Variants in BYSL observed in about 807,000 individuals in gnomAD.
The protein encoded by BYSL is bystin like.
A neutral mutation model predicts 45.4 loss-of-function variants in BYSL; 21 were observed. The ratio of observed to expected loss-of-function variants is 0.46; its 90% CI spans 0.33 to 0.67. The LOEUF is 0.67. Among genes scored for constraint, BYSL ranks in the 30% least tolerant of loss-of-function variants. The pLI is 0.02. For synonymous variants in BYSL, 215 were observed against 231.3 expected, an observed-to-expected ratio of 0.93 and a Z score of 0.64; for missense variants, 522 against 578.5, an observed-to-expected ratio of 0.90 and a Z score of 1.00.
intron 1 of BYSL, among the ~76,000 whole-genome samples, chr6:41,924,939 G>A (rs1775542130): frequency 6.6e-6 from 1 of 152,200 alleles, no homozygotes; most frequent in Non-Finnish European, 1.5e-5. Context: ...TGGGTGTTGA[G>A]GGTGAGGGCA....
chr6:41,916,817 T>C, upstream of BYSL: 1 of 1,614,096 alleles, frequency 6.2e-7, no homozygotes, highest in Non-Finnish European at 8.5e-7. Flanking sequence ...GGCCGTATGG[T>C]AAGTCTCACA....
chr6:41,929,265 T>G (rs1775603782), intron 2 of BYSL, among the ~76,000 whole-genome samples: 2 of 152,048 alleles, frequency 1.3e-5, no homozygotes, highest in South Asian at 4.2e-4. Flanking sequence ...TCTTAGCACT[T>G]TGGGACGCCA....
In BYSL at chr6:41,921,936, T is replaced by A. The variant is rs894243310; in HGVS notation, c.268+106T>A. Reference sequence around the variant, plus strand: ...GAATTGCTTCGAGTCAACAAAGGGGTCCGTATTACACTTGCAAAGGAGACT... The same window carrying A: ...GAATTGCTTCGAGTCAACAAAGGGGACCGTATTACACTTGCAAAGGAGACT... On this transcript the variant is annotated intron_variant, in intron 1 of 6. Coordinates refer to ENST00000230340, the MANE Select transcript of BYSL (RefSeq NM_004053.4). 9 of 1,423,052 alleles carry A rather than the reference T, an allele frequency of 6.3e-6. No homozygotes were observed. In the African/African-American group the frequency reaches 7.2e-5, roughly 11 times the overall value. The allele number at this position is 1,423,052 out of a possible 1,614,324, so 88.2% of individuals were successfully genotyped here. A position where few individuals can be genotyped will look rare whatever the true frequency, so the allele number is the denominator to read the frequency against.
the BYSL span, among the ~76,000 whole-genome samples, chr6:41,912,339 G>A: frequency 7.1e-6 from 1 of 140,874 alleles, no homozygotes; most frequent in African/African-American, 2.7e-5. Flanking sequence ...ACTGCACTCA[G>A]CTGACCATAG....
chr6:41,921,272 G>A, upstream of BYSL: 1 of 622,014 alleles, frequency 1.6e-6, no homozygotes, highest in Admixed American at 3.1e-5. Flanking sequence ...TTCCCGTTTG[G>A]CTGAGCACTC....
chr6:41,920,974 C>T (rs760495408), upstream of BYSL: 8 of 1,606,064 alleles, frequency 5.0e-6, no homozygotes, highest in East Asian at 2.3e-5. Context: ...CAACTCCAAG[C>T]CCCGCCCCAC....
the BYSL span, among the ~76,000 whole-genome samples, chr6:41,911,171 G>C: frequency 7.0e-6 from 1 of 143,244 alleles, no homozygotes; most frequent in South Asian, 2.2e-4. Flanking sequence ...TTTTTTTTGA[G>C]ACAGAGTCTC....
chr6:41,913,667 AG>A, the BYSL span, among the ~76,000 whole-genome samples: 1 of 152,196 alleles, frequency 6.6e-6, no homozygotes, highest in Non-Finnish European at 1.5e-5. Flanking sequence ...TGGGAGGCCA[AG>A]GTGGGCGGAT....
Position 41,932,541 on chromosome 6 carries a change from G to A in BYSL, c.1149G>A (p.Leu383=). ...ELPVLWHQCL[L]TLVQRYKADL... is the part of the protein sequence containing the mutation. The stretch of plus-strand genomic sequence containing the variant: ...CTGTGCTGTGGCACCAGTGCCTCCT[G>A]ACTTTGGTCCAGCGCTACAAGGCCG... Residue 383 remains leucine (L), a synonymous_variant, in exon 7 of 7, where the codon CTG becomes CTA. Coordinates refer to ENST00000230340, the MANE Select transcript of BYSL (RefSeq NM_004053.4). The surrounding 1 kb of genome is among the most constrained non-coding windows in gnomAD (Gnocchi z 4.7). The A allele has an allele frequency of 2.5e-6, 4 of 1,614,198 alleles. No individual in the cohort carries two copies. The highest frequency in any genetic ancestry group is 3.4e-6 in the Non-Finnish European group (4 of 1,180,038).
the BYSL span, among the ~76,000 whole-genome samples, chr6:41,910,386 C>T: frequency 1.3e-5 from 2 of 152,114 alleles, no homozygotes; most frequent in Non-Finnish European, 1.5e-5. Context: ...AATCCCAACA[C>T]TTTGGGAGGC....
At chr6:41,909,077 G>T in the BYSL span, 1 of 702,774 alleles carries the variant, frequency 1.4e-6, no homozygotes, top group South Asian at 2.0e-5. Flanking sequence ...GGGAGACTGA[G>T]GCGGAAGGAT....
chr6:41,916,258 T>TAAATAAAATA, the BYSL span, among the ~76,000 whole-genome samples: 2,452 of 148,312 alleles, frequency 0.017, 54 homozygotes, highest in African/African-American at 0.05. Context: ...CTCAAAAAAA[T>TAAATAAAATA]AAATAAAATA....
chr6:41,911,688 G>A, the BYSL span, among the ~76,000 whole-genome samples: 4 of 152,134 alleles, frequency 2.6e-5, no homozygotes, highest in Admixed American at 1.3e-4. Flanking sequence ...AAAAGGGTGC[G>A]AGGGCGGCGA....
Position 41,932,697 on chromosome 6 carries a change from C to T in BYSL, c.1305C>T (p.Thr435=), listed in dbSNP as rs368058700. 4 of 1,606,408 alleles carry T rather than the reference C, an allele frequency of 2.5e-6. No homozygotes were observed. The highest frequency in any genetic ancestry group is 3.4e-6 in the Non-Finnish European group (4 of 1,174,450). Residue 435 remains threonine (T), a synonymous_variant, in exon 7 of 7, where the codon ACC becomes ACT. Transcript: ENST00000230340. The surrounding 1 kb of genome is among the most constrained non-coding windows in gnomAD (Gnocchi z 4.7). ...VPRDVEDVPI[T]VE is the part of the protein sequence containing the mutation. ...GCGATGTGGAAGATGTTCCCATCAC[C>T]GTGGAGTGAGGAAAACAGTCAGCTG...
Position 41,930,682 on chromosome 6 carries a change from C to T in BYSL, c.618C>T (p.Ile206=). ...RSGKLPKAFK[I]IPALSNWEQI... Reference sequence around the variant, plus strand: ...GAAAACTGCCCAAGGCATTTAAGATCATCCCTGCACTCTCCAACTGGGAGC... The same window carrying T: ...GAAAACTGCCCAAGGCATTTAAGATTATCCCTGCACTCTCCAACTGGGAGC... Residue 206 remains isoleucine, a synonymous_variant, in exon 4 of 7, where the codon ATC becomes ATT. Transcript: ENST00000230340. The T allele has an allele frequency of 6.2e-7, 1 of 1,613,818 alleles. No individual in the cohort carries two copies. The highest frequency in any genetic ancestry group is 1.1e-5 in the South Asian group (1 of 91,044).
In BYSL at chr6:41,932,884, C is replaced by A; in HGVS notation, c.*178C>A. 1 of 690,364 alleles carries A rather than the reference C, an allele frequency of 1.4e-6. No individual in the cohort carries two copies. Among genetic ancestry groups the A allele is most frequent in the South Asian group, 2.0e-5 (1 of 50,656 alleles). 42.8% of individuals were successfully genotyped at this position (690,364 alleles called of 1,614,324 possible). A position where few individuals can be genotyped will look rare whatever the true frequency, so the allele number is the denominator to read the frequency against. ...GAAGGACTGAGGGTCTGGCTGGTTC[C>A]CTCTTCCATTCTAGGCCCTTATCCC... On this transcript the variant is annotated 3_prime_UTR_variant, in exon 7 of 7. Coordinates refer to ENST00000230340, the MANE Select transcript of BYSL (RefSeq NM_004053.4). This position sits in a 1 kb window ranked among gnomAD's most constrained non-coding sequence, Gnocchi z 4.7.
intron 2 of BYSL, among the ~76,000 whole-genome samples, chr6:41,928,672 A>AT (rs1348341064): frequency 1.3e-5 from 2 of 152,198 alleles, no homozygotes; most frequent in Admixed American, 6.5e-5. Flanking sequence ...ATCCACATGA[A>AT]TTCAACAATC....
At chr6:41,911,168 T>G in the BYSL span, among the ~76,000 whole-genome samples, 2 of 151,184 alleles carry the variant, frequency 1.3e-5, no homozygotes, top group East Asian at 3.9e-4. Context: ...TTTTTTTTTT[T>G]GAGACAGAGT....
chr6:41,921,897 A>G, intron 1 of BYSL, 67 bp downstream of exon 1: 1 of 1,514,124 alleles, frequency 6.6e-7, no homozygotes, highest in Non-Finnish European at 8.8e-7. Context: ...GCAGCTAAAA[A>G]GTGTCTGGCA....
Sources: gnomAD v4.1 joint callset for allele counts (sites outside exome capture counted in the v4.1 genomes callset) on GRCh38, gnomAD v4.1.1 for gene constraint, Gnocchi (gnomAD v3.1) non-coding constraint, MANE v1.5 for transcripts, NCBI Gene and HGNC (gene_info 2026-07-23, HGNC 2026-07-21) for gene names.